Variants in TTC29 observed in about 807,000 individuals in gnomAD.
TTC29 encodes tetratricopeptide repeat protein 29.
In TTC29, 49 loss-of-function variants were observed where a neutral mutation model predicts 58.1. The observed-to-expected ratio is 0.84, with a 90% CI of 0.67 to 1.07. The LOEUF is 1.07. TTC29 is among the 50% of genes least tolerant of loss of function. The pLI, the probability that TTC29 is intolerant of heterozygous loss-of-function variation, is 0.00. For synonymous variants in TTC29, 209 were observed against 196.8 expected, an observed-to-expected ratio of 1.06 and a Z score of -0.52; for missense variants, 582 against 555.6, an observed-to-expected ratio of 1.05 and a Z score of -0.48.
chr4:146,708,141 G>C (rs1396629169), intron 11 of TTC29, among the ~76,000 whole-genome samples: 1 of 151,724 alleles, frequency 6.6e-6, no homozygotes, highest in Non-Finnish European at 1.5e-5. Flanking sequence ...GTCCAGACGA[G>C]CCCTGCCTGA....
intron 6 of TTC29, among the ~76,000 whole-genome samples, chr4:146,893,334 T>C (rs1029629716): frequency 6.6e-6 from 1 of 152,174 alleles, no homozygotes; most frequent in Admixed American, 6.5e-5. Flanking sequence ...AAAACAGACA[T>C]ATAGACCAAT....
chr4:146,765,420 C>T (rs1406200211), intron 11 of TTC29, among the ~76,000 whole-genome samples: 1 of 152,096 alleles, frequency 6.6e-6, no homozygotes, highest in East Asian at 1.9e-4. Flanking sequence ...TTTAATTTCT[C>T]GAACTCCTGA....
Position 146,773,712 on chromosome 4 carries a change from A to ATATC in TTC29, c.1330+29741_1330+29744dup, listed in dbSNP as rs562511562. On this transcript the variant is annotated intron_variant, in intron 11 of 12. Coordinates refer to ENST00000325106, the MANE Select transcript of TTC29 (RefSeq NM_031956.4). Reference sequence around the variant, plus strand: ...CCTGAAGTTTTCTCTTTTTTTGTGTATATCTGCCAGGTTATAGTATCAGGA... The same window carrying ATATC: ...CCTGAAGTTTTCTCTTTTTTTGTGTATATCTATCTGCCAGGTTATAGTATCAGGA... Among the ~76,000 whole-genome samples the ATATC allele has an allele frequency of 2.0e-3, 297 of 151,198 alleles. 3 individuals are homozygous for ATATC. The highest frequency in any genetic ancestry group is 3.8e-3 in the Non-Finnish European group (258 of 67,770).
intron 4 of TTC29, among the ~76,000 whole-genome samples, chr4:146,928,972 G>C (rs1187285269): frequency 6.6e-6 from 1 of 152,104 alleles, no homozygotes; most frequent in African/African-American, 2.4e-5. Context: ...GGAACAATGT[G>C]AAGGGAATTT....
intron 9 of TTC29, among the ~76,000 whole-genome samples, chr4:146,825,940 T>A (rs114251461): frequency 0.13 from 19,657 of 150,034 alleles, 1,295 homozygotes; most frequent in South Asian, 0.25. Flanking sequence ...CTTTTTTTTT[T>A]AAAAAAATTT....
At chr4:146,881,695 G>C (rs1731636514) in intron 6 of TTC29, among the ~76,000 whole-genome samples, 1 of 152,036 alleles carries the variant, frequency 6.6e-6, no homozygotes, top group African/African-American at 2.4e-5. Context: ...CACTACACAT[G>C]CTGAAATAGT....
At chr4:146,784,195 T>C (rs1188870608) in intron 11 of TTC29, among the ~76,000 whole-genome samples, 1 of 151,956 alleles carries the variant, frequency 6.6e-6, no homozygotes, top group Non-Finnish European at 1.5e-5. Flanking sequence ...ATAAATATAG[T>C]GTATAATATA....
chr4:146,817,497 G>T (rs1349645251), intron 10 of TTC29, among the ~76,000 whole-genome samples: 1 of 152,070 alleles, frequency 6.6e-6, no homozygotes, highest in East Asian at 1.9e-4. Flanking sequence ...TGTGAAAATG[G>T]CCATACTGCC....
At chr4:146,786,192 C>G (rs982542219) in intron 11 of TTC29, among the ~76,000 whole-genome samples, 1 of 152,158 alleles carries the variant, frequency 6.6e-6, no homozygotes, top group Admixed American at 6.5e-5. Flanking sequence ...TCTCCCTCTT[C>G]GTCTTTCTCT....
At chr4:146,743,017 G>A (rs1745276175) in intron 11 of TTC29, among the ~76,000 whole-genome samples, 1 of 152,028 alleles carries the variant, frequency 6.6e-6, no homozygotes, top group African/African-American at 2.4e-5. Flanking sequence ...CTTGTTGCCT[G>A]ACATTACAAA....
At chr4:146,944,029 T>C (rs1460915630) in intron 2 of TTC29, 1 of 152,230 alleles carries the variant, frequency 6.6e-6, no homozygotes, top group Non-Finnish European at 1.5e-5. Flanking sequence ...ACACACAAGA[T>C]GGTGTGGCTG....
At position 146,707,021 on chromosome 4, in the gene TTC29, G is replaced by A. The variant is rs145414104; in HGVS notation, c.*137C>T. On this transcript the variant is annotated 3_prime_UTR_variant, in exon 13 of 13. Coordinates refer to ENST00000325106, the MANE Select transcript of TTC29 (RefSeq NM_031956.4). ...TAAATTTATAGTAACACACTGAAAT[G>A]CAAAATCCAATGAAAAGAGTCATAG... 651 of 527,552 alleles carry A rather than the reference G, an allele frequency of 1.2e-3. 13 individuals carry two copies. In the Admixed American group the frequency reaches 0.024, roughly 19 times the overall value. 32.7% of individuals were successfully genotyped at this position (527,552 alleles called of 1,614,324 possible). A position where few individuals can be genotyped will look rare whatever the true frequency, so the allele number is the denominator to read the frequency against.
chr4:146,719,930 A>T (rs1743236931), intron 11 of TTC29, among the ~76,000 whole-genome samples: 1 of 152,158 alleles, frequency 6.6e-6, no homozygotes. Flanking sequence ...CACGTAAGTG[A>T]AACTTGGTAG....
In TTC29 at chr4:146,895,319, G is replaced by A. The variant is rs78673748; in HGVS notation, c.586+8225C>T. Among the ~76,000 whole-genome samples, 1,092 of 152,278 alleles carry A rather than the reference G, an allele frequency of 7.2e-3. 14 individuals are homozygous for A. Among genetic ancestry groups the A allele is most frequent in the African/African-American group, 0.025 (1,029 of 41,558 alleles). On this transcript the variant is annotated intron_variant, in intron 6 of 12. Transcript: ENST00000325106. The stretch of plus-strand genomic sequence containing the variant: ...AACCAGGGAGCTCACTTTTTGAGTA[G>A]TGGATCCCAATCCCAAGATCCATGA...
chr4:146,793,045 T>C (rs1749583329), intron 11 of TTC29, among the ~76,000 whole-genome samples: 1 of 152,210 alleles, frequency 6.6e-6, no homozygotes, highest in Non-Finnish European at 1.5e-5. Flanking sequence ...AGTTGCTTCT[T>C]ATGGATAAGC....
chr4:146,811,021 T>C (rs949379395), intron 10 of TTC29, among the ~76,000 whole-genome samples: 1 of 152,196 alleles, frequency 6.6e-6, no homozygotes, highest in African/African-American at 2.4e-5. Flanking sequence ...TATTGAAGTA[T>C]CCAAAATTTC....
At position 146,707,327 on chromosome 4, in the gene TTC29, GA is replaced by G. The variant is rs35364289; in HGVS notation, c.1398-140del. 907 of 781,634 alleles carry G rather than the reference GA, an allele frequency of 1.2e-3. 6 individuals carry two copies. The African/African-American group carries it at 0.015, about 13-fold the overall frequency. 48.4% of individuals were successfully genotyped at this position (781,634 alleles called of 1,614,324 possible). Reference sequence around the variant, plus strand: ...AAATACTTAACCTTATGTGACATTTGAAAATAAATCTGTGATTTTTTTTAAA... The same window carrying G: ...AAATACTTAACCTTATGTGACATTTGAAATAAATCTGTGATTTTTTTTAAA... On this transcript the variant is annotated intron_variant, in intron 12 of 12. Coordinates refer to ENST00000325106, the MANE Select transcript of TTC29 (RefSeq NM_031956.4).
chr4:146,833,741 C>A, intron 9 of TTC29, 65 bp downstream of exon 9: 1 of 1,330,150 alleles, frequency 7.5e-7, no homozygotes, highest in South Asian at 1.2e-5. Context: ...AGACCTCAAA[C>A]AATTTAAGCC....
intron 11 of TTC29, among the ~76,000 whole-genome samples, chr4:146,784,198 A>G (rs976145441): frequency 3.3e-5 from 5 of 152,020 alleles, no homozygotes; most frequent in African/African-American, 1.2e-4. Flanking sequence ...AATATAGTGT[A>G]TAATATAGTA....
Sources: gnomAD v4.1 joint callset for allele counts (sites outside exome capture counted in the v4.1 genomes callset) on GRCh38, gnomAD v4.1.1 for gene constraint, MANE v1.5 for transcripts, NCBI Gene and HGNC (gene_info 2026-07-23, HGNC 2026-07-21) for gene names.